Variants in MPRIP observed in about 807,000 individuals in gnomAD.
The protein encoded by MPRIP is myosin phosphatase Rho interacting protein.
MPRIP carries 59 observed loss-of-function variants against 234.9 expected under a neutral mutation model. That is an observed-to-expected ratio of 0.25 (90% CI 0.20 to 0.31). MPRIP has a LOEUF of 0.31. Ranked by LOEUF, MPRIP falls within the 10% of genes least tolerant of loss-of-function variation. The probability of loss-of-function intolerance (pLI) is 1.00; values close to 1 mark genes in which losing one functional copy is unlikely to be tolerated. For synonymous variants in MPRIP, 1,144 were observed against 1,263.9 expected (o/e 0.91, Z 2.01); for missense variants, 2,436 against 3,071.0 (o/e 0.79, Z 4.89).
chr17:17,104,162 A>G (rs1415306048), intron 3 of MPRIP, among the ~76,000 whole-genome samples: 2 of 152,230 alleles, frequency 1.3e-5, no homozygotes, highest in African/African-American at 4.8e-5. Context: ...AATAGGCCTC[A>G]TGCTTACCTC....
intron 23 of MPRIP, chr17:17,180,561 G>T: frequency 6.4e-7 from 1 of 1,568,794 alleles, no homozygotes; most frequent in Non-Finnish European, 8.8e-7. Context: ...CACCGCGTGT[G>T]TTTGGGATTG....
intron 14 of MPRIP, 103 bp downstream of exon 14, chr17:17,159,105 C>A: frequency 1.6e-6 from 2 of 1,234,536 alleles, no homozygotes; most frequent in East Asian, 2.6e-5. Flanking sequence ...CAGTCCTACC[C>A]GCGAGGGACT....
At chr17:17,044,854 C>T (rs1391583690) in intron 1 of MPRIP, among the ~76,000 whole-genome samples, 1 of 152,178 alleles carries the variant, frequency 6.6e-6, no homozygotes, top group African/African-American at 2.4e-5. Flanking sequence ...GGCCTGAGAC[C>T]TTCAGGGCAC....
At chr17:17,169,776 G>A (rs867282201) in intron 16 of MPRIP, among the ~76,000 whole-genome samples, 15 of 152,248 alleles carry the variant, frequency 9.9e-5, no homozygotes, top group African/African-American at 3.1e-4. Context: ...CAGGGTCTTG[G>A]CCTAACAGCC....
chr17:17,079,698 T>G (rs2089418557), intron 3 of MPRIP, among the ~76,000 whole-genome samples: 1 of 152,260 alleles, frequency 6.6e-6, no homozygotes, highest in Non-Finnish European at 1.5e-5. Flanking sequence ...TTCCCTGCAC[T>G]GTTTCCTTGG....
intron 1 of MPRIP, among the ~76,000 whole-genome samples, chr17:17,044,542 A>G (rs918229448): frequency 1.3e-5 from 2 of 152,198 alleles, no homozygotes; most frequent in Admixed American, 1.3e-4. Flanking sequence ...TTTTTCTCTT[A>G]CAATTTAACA....
At chr17:17,168,141 C>G (rs2046045988) in intron 16 of MPRIP, 1 of 348,414 alleles carries the variant, frequency 2.9e-6, no homozygotes, top group African/African-American at 2.1e-5. Context: ...GGAGGGCCGC[C>G]AGGGTCCCTG....
At chr17:17,081,260 C>T (rs1326084232) in intron 3 of MPRIP, among the ~76,000 whole-genome samples, 3 of 152,054 alleles carry the variant, frequency 2.0e-5, no homozygotes, top group South Asian at 2.1e-4. Flanking sequence ...TTGTTGGGCC[C>T]GTGATAATTC....
Position 17,159,126 on chromosome 17 carries a change from T to C in MPRIP, c.2400+124T>C, listed in dbSNP as rs1194989866. Reference sequence around the variant, plus strand: ...TACCCGCGAGGGACTTGCAGACCCCTAGGGGAGACAGACGCATAGATGAGT... The same window carrying C: ...TACCCGCGAGGGACTTGCAGACCCCCAGGGGAGACAGACGCATAGATGAGT... On this transcript the variant is annotated intron_variant, in intron 14 of 23. Coordinates refer to ENST00000651222, the MANE Select transcript of MPRIP (RefSeq NM_001364716.4). The C allele has an allele frequency of 5.0e-6, 5 of 990,400 alleles. No individual in the cohort carries two copies. In the African/African-American group the frequency reaches 6.5e-5, roughly 13 times the overall value. 61.4% of individuals were successfully genotyped at this position (990,400 alleles called of 1,614,324 possible).
intron 23 of MPRIP, 78 bp downstream of exon 23, chr17:17,180,166 G>T: frequency 1.7e-6 from 2 of 1,168,130 alleles, no homozygotes; most frequent in Non-Finnish European, 2.4e-6. Context: ...AAGTATGAGT[G>T]CTCCCATGGG....
At chr17:17,053,703 C>T (rs1376680234) in intron 1 of MPRIP, among the ~76,000 whole-genome samples, 1 of 152,154 alleles carries the variant, frequency 6.6e-6, no homozygotes, top group Non-Finnish European at 1.5e-5. Context: ...ATTTTGTGGG[C>T]AAGCTGGCCC....
intron 1 of MPRIP, among the ~76,000 whole-genome samples, chr17:17,053,106 G>A (rs78213206): frequency 0.082 from 12,443 of 151,904 alleles, 720 homozygotes; most frequent in East Asian, 0.16. Flanking sequence ...CCTCAGGGCC[G>A]CGGGAGGGGT....
intron 3 of MPRIP, among the ~76,000 whole-genome samples, chr17:17,102,467 C>T (rs1359538635): frequency 6.6e-6 from 1 of 152,240 alleles, no homozygotes; most frequent in Non-Finnish European, 1.5e-5. Context: ...TCTGCCAGGT[C>T]ATTGTGATGG....
chr17:17,149,647 ATTTAT>A (rs1257179982), intron 11 of MPRIP: 1 of 150,280 alleles, frequency 6.7e-6, no homozygotes, highest in Non-Finnish European at 1.5e-5. Flanking sequence ...TTTAAAATGA[ATTTAT>A]TTTATTCTCA....
intron 3 of MPRIP, among the ~76,000 whole-genome samples, chr17:17,091,945 G>A (rs2089728717): frequency 6.6e-6 from 1 of 152,226 alleles, no homozygotes; most frequent in Non-Finnish European, 1.5e-5. Flanking sequence ...CTGGGAGAGA[G>A]GTCCAGTTGA....
chr17:17,175,499 T>C (rs994948836), intron 20 of MPRIP, 87 bp downstream of exon 20: 241 of 1,430,186 alleles, frequency 1.7e-4, no homozygotes, highest in Non-Finnish European at 2.2e-4. Context: ...CTTACAGGGT[T>C]GTGGGAGGAA....
chr17:17,175,569 G>A (rs1464459354), intron 20 of MPRIP, among the ~76,000 whole-genome samples, 157 bp downstream of exon 20: 2 of 152,220 alleles, frequency 1.3e-5, no homozygotes, highest in Non-Finnish European at 2.9e-5. Flanking sequence ...CGAAGGCGGC[G>A]AGGAGCAGTG....
intron 3 of MPRIP, among the ~76,000 whole-genome samples, chr17:17,079,675 C>CA (rs1222546244): frequency 6.6e-6 from 1 of 152,092 alleles, no homozygotes; most frequent in Non-Finnish European, 1.5e-5. Flanking sequence ...TGAACCATCC[C>CA]AAAAAAACAA....
At position 17,172,866 on chromosome 17, in the gene MPRIP, C is replaced by T. The variant is rs762851819; in HGVS notation, c.6590+51C>T. The stretch of plus-strand genomic sequence containing the variant: ...CCCTTGGGAGGGCCCCTCTGGGGTG[C>T]TGACCAGGCCACAGCTGGGCCCTTC... On this transcript the variant is annotated intron_variant, in intron 18 of 23. Transcript: ENST00000651222. 4 of 1,494,610 alleles carry T rather than the reference C, an allele frequency of 2.7e-6. No individual in the cohort carries two copies. In the African/African-American group the frequency reaches 5.5e-5, roughly 21 times the overall value. The allele number at this position is 1,494,610 out of a possible 1,614,324, so 92.6% of individuals were successfully genotyped here.
Sources: gnomAD v4.1 joint callset for allele counts (sites outside exome capture counted in the v4.1 genomes callset) on GRCh38, gnomAD v4.1.1 for gene constraint, MANE v1.5 for transcripts, NCBI Gene and HGNC (gene_info 2026-07-23, HGNC 2026-07-21) for gene names.